The following DNAJC24 variants were observed in gnomAD, a reference collection of about 807,000 sequenced individuals.
DNAJC24 encodes DnaJ heat shock protein family (Hsp40) member C24.
A neutral mutation model predicts 18.0 loss-of-function variants in DNAJC24; 17 were observed. The observed-to-expected ratio is 0.94, with a 90% CI of 0.65 to 1.42. The LOEUF is 1.42. Ranked by LOEUF, DNAJC24 falls within the 40% of genes most tolerant of loss-of-function variation. DNAJC24 has a pLI of 0.00. For synonymous variants in DNAJC24, 55 were observed against 57.7 expected, an observed-to-expected ratio of 0.95 and a Z score of 0.21; for missense variants, 158 against 175.6, an observed-to-expected ratio of 0.90 and a Z score of 0.57.
At chr11:31,371,545 C>T (rs1350055449) in intron 2 of DNAJC24, among the ~76,000 whole-genome samples, 1 of 151,812 alleles carries the variant, frequency 6.6e-6, no homozygotes, top group Non-Finnish European at 1.5e-5. Context: ...ATAAACTTAT[C>T]ACAGTTAAAC....
chr11:31,417,729 G>A (rs955355989), intron 3 of DNAJC24, among the ~76,000 whole-genome samples: 6 of 152,028 alleles, frequency 3.9e-5, no homozygotes, highest in Non-Finnish European at 7.4e-5. Context: ...TGGGAAGGAG[G>A]TAGGAAATGC....
chr11:31,421,351 C>G (rs1458410628), intron 3 of DNAJC24, among the ~76,000 whole-genome samples: 3 of 152,186 alleles, frequency 2.0e-5, no homozygotes, highest in Non-Finnish European at 4.4e-5. Context: ...TTATTTTTAA[C>G]TTACACACCA....
chr11:31,432,746 A>G lies in DNAJC24; in HGVS notation c.*2345A>G, dbSNP rs1180723987. 6.6e-6 allele frequency among the ~76,000 whole-genome samples: 1 copy of G among 152,224 alleles called. No individual in the cohort carries two copies. Among genetic ancestry groups the G allele is most frequent in the Non-Finnish European group, 1.5e-5 (1 of 68,022 alleles). On this transcript the variant is annotated 3_prime_UTR_variant, in exon 5 of 5. Coordinates refer to ENST00000465995, the MANE Select transcript of DNAJC24 (RefSeq NM_181706.5). ...GACTTGAGAAAATAAACTTATGTGTATATATGTTTAAACTCCAAAGTTTGG... is the reference window on the plus strand; with the variant it reads ...GACTTGAGAAAATAAACTTATGTGTGTATATGTTTAAACTCCAAAGTTTGG...
chr11:31,412,681 C>G (rs1230441064), intron 2 of DNAJC24, among the ~76,000 whole-genome samples: 1 of 152,114 alleles, frequency 6.6e-6, no homozygotes, highest in Non-Finnish European at 1.5e-5. Context: ...TTCTCCAGTG[C>G]TTATATTAGT....
chr11:31,381,785 C>T (rs1952379316), intron 2 of DNAJC24, among the ~76,000 whole-genome samples: 1 of 151,966 alleles, frequency 6.6e-6, no homozygotes, highest in Non-Finnish European at 1.5e-5. Context: ...CCATGTTCGC[C>T]AGGCTGGTCT....
intron 3 of DNAJC24, among the ~76,000 whole-genome samples, chr11:31,423,836 A>G (rs1952834443): frequency 6.6e-6 from 1 of 152,196 alleles, no homozygotes; most frequent in Non-Finnish European, 1.5e-5. Context: ...GACCTTGGGC[A>G]AGGTACTAAC....
intron 2 of DNAJC24, among the ~76,000 whole-genome samples, chr11:31,390,395 CAAAAAAAAAA>C (rs370680501): frequency 8.2e-5 from 4 of 48,564 alleles, no homozygotes; most frequent in Admixed American, 5.8e-4. Context: ...GACTCTATCT[CAAAAAAAAAA>C]AAAAAAAAAA....
chr11:31,415,132 A>C, intron 3 of DNAJC24, 183 bp downstream of exon 3: 1 of 559,874 alleles, frequency 1.8e-6, no homozygotes, highest in African/African-American at 1.9e-5. Context: ...ATCCATTGAG[A>C]AGTTAACAAA....
At chr11:31,428,269 A>C (rs1048069990) in intron 4 of DNAJC24, among the ~76,000 whole-genome samples, 11 of 152,154 alleles carry the variant, frequency 7.2e-5, no homozygotes, top group African/African-American at 2.7e-4. Flanking sequence ...CAATACAGTT[A>C]ATCTTAAAAG....
chr11:31,422,952 T>G (rs1418600462), intron 3 of DNAJC24, among the ~76,000 whole-genome samples: 1 of 152,180 alleles, frequency 6.6e-6, no homozygotes, highest in Non-Finnish European at 1.5e-5. Context: ...ACCTTTTACT[T>G]GTGTGTACCA....
chr11:31,377,597 C>G (rs2133467953), intron 2 of DNAJC24, among the ~76,000 whole-genome samples: 1 of 152,070 alleles, frequency 6.6e-6, no homozygotes, highest in South Asian at 2.1e-4. Context: ...CTATTAAAAA[C>G]AATTTGAATA....
At chr11:31,400,535 G>A (rs1952590711) in intron 2 of DNAJC24, among the ~76,000 whole-genome samples, 1 of 152,162 alleles carries the variant, frequency 6.6e-6, no homozygotes, top group African/African-American at 2.4e-5. Context: ...CAGATATACA[G>A]ATCAATGGAA....
chr11:31,415,825 T>C (rs897345738), intron 3 of DNAJC24: 4 of 152,200 alleles, frequency 2.6e-5, no homozygotes, highest in African/African-American at 9.6e-5. Context: ...TGCCCTACAA[T>C]GGCACACCAT....
intron 2 of DNAJC24, chr11:31,408,420 G>A (rs1357598558): frequency 3.6e-6 from 1 of 280,736 alleles, no homozygotes; most frequent in East Asian, 9.3e-5. Context: ...GCACTGAGGT[G>A]ACACATTGTG....
intron 2 of DNAJC24, among the ~76,000 whole-genome samples, chr11:31,383,970 G>A (rs1387732378): frequency 6.6e-6 from 1 of 152,178 alleles, no homozygotes; most frequent in Non-Finnish European, 1.5e-5. Context: ...ATAATTTCCA[G>A]AATAGGCAAA....
intron 2 of DNAJC24, among the ~76,000 whole-genome samples, chr11:31,377,151 A>G (rs1168303537): frequency 2.0e-5 from 3 of 152,156 alleles, no homozygotes; most frequent in Admixed American, 1.3e-4. Flanking sequence ...CACGTATTAC[A>G]TGTAATTTTC....
intron 2 of DNAJC24, among the ~76,000 whole-genome samples, chr11:31,392,945 C>T (rs146467605): frequency 2.0e-5 from 3 of 152,206 alleles, no homozygotes; most frequent in South Asian, 2.1e-4. Flanking sequence ...CACTGTGCCA[C>T]GCCTCCCTTA....
At chr11:31,399,481 C>A (rs1332518521) in intron 2 of DNAJC24, among the ~76,000 whole-genome samples, 1 of 147,174 alleles carries the variant, frequency 6.8e-6, no homozygotes, top group Non-Finnish European at 1.5e-5. Flanking sequence ...GTGGCACGAT[C>A]TCAGCTCACT....
At chr11:31,425,508 G>A (rs190845952) in intron 3 of DNAJC24, among the ~76,000 whole-genome samples, 128 of 152,140 alleles carry the variant, frequency 8.4e-4, no homozygotes, top group African/African-American at 3.0e-3. Flanking sequence ...TGGTTGACTC[G>A]GTTTCTGATG....
Sources: gnomAD v4.1 joint callset for allele counts (sites outside exome capture counted in the v4.1 genomes callset) on GRCh38, gnomAD v4.1.1 for gene constraint, MANE v1.5 for transcripts, NCBI Gene and HGNC (gene_info 2026-07-23, HGNC 2026-07-21) for gene names.